Variants in MBD5 observed in about 807,000 individuals in gnomAD.
MBD5 encodes the protein methyl-CpG-binding domain protein 5.
A neutral mutation model predicts 117.3 loss-of-function variants in MBD5; 13 were observed. The ratio of observed to expected loss-of-function variants is 0.11; its 90% CI spans 0.07 to 0.18. The LOEUF is 0.18. Among genes scored for constraint, MBD5 ranks in the 10% least tolerant of loss-of-function variants. The probability of loss-of-function intolerance (pLI) is 1.00; values close to 1 mark genes in which losing one functional copy is unlikely to be tolerated. For missense variants in MBD5, 1,879 were observed against 2,093.8 expected (o/e 0.90, Z 2.00); for synonymous variants, 727 against 766.4 (o/e 0.95, Z 0.85).
At chr2:148,367,782 C>A (rs1354997457) in intron 4 of MBD5, among the ~76,000 whole-genome samples, 1 of 152,164 alleles carries the variant, frequency 6.6e-6, no homozygotes. Flanking sequence ...AATGAGATAG[C>A]ATTTCACACC....
chr2:148,270,218 A>G (rs531581446), intron 3 of MBD5, among the ~76,000 whole-genome samples: 2 of 152,196 alleles, frequency 1.3e-5, no homozygotes, highest in Admixed American at 1.3e-4. Context: ...AGACTACTGT[A>G]TTGGCTGGCT....
chr2:148,121,320 C>G (rs892355141), intron 1 of MBD5, among the ~76,000 whole-genome samples: 12 of 152,000 alleles, frequency 7.9e-5, no homozygotes, highest in African/African-American at 2.9e-4. Context: ...TGGATTACAT[C>G]CAATATATTT....
chr2:148,232,062 G>A (rs1479581147), intron 2 of MBD5, among the ~76,000 whole-genome samples: 2 of 152,170 alleles, frequency 1.3e-5, no homozygotes, highest in African/African-American at 4.8e-5. Context: ...TAGTCAGTGG[G>A]AACAGACATG....
At chr2:148,266,562 A>C (rs190025898) in intron 3 of MBD5, among the ~76,000 whole-genome samples, 2 of 152,072 alleles carry the variant, frequency 1.3e-5, no homozygotes, top group Non-Finnish European at 2.9e-5. Flanking sequence ...GAGAAATAAA[A>C]AGATTGACTA....
chr2:148,253,030 A>G (rs1413871533), intron 3 of MBD5, among the ~76,000 whole-genome samples: 7 of 152,168 alleles, frequency 4.6e-5, no homozygotes, highest in Non-Finnish European at 7.3e-5. Context: ...ATCGGGACTT[A>G]ATCTCCTATT....
chr2:148,426,934 T>C (rs2105310717), intron 4 of MBD5, among the ~76,000 whole-genome samples: 1 of 152,006 alleles, frequency 6.6e-6, no homozygotes, highest in Middle Eastern at 3.4e-3. Context: ...GAATCTACCA[T>C]GAACTCAAAC....
intron 1 of MBD5, among the ~76,000 whole-genome samples, chr2:148,168,913 C>A: frequency 6.7e-6 from 1 of 149,058 alleles, no homozygotes. Context: ...AATTATATTC[C>A]AAATATATAT....
At chr2:148,475,535 G>A in intron 8 of MBD5, among the ~76,000 whole-genome samples, 1 of 152,086 alleles carries the variant, frequency 6.6e-6, no homozygotes, top group Non-Finnish European at 1.5e-5. Context: ...AGAACTCAGA[G>A]TGGTGATATG....
intron 3 of MBD5, among the ~76,000 whole-genome samples, chr2:148,309,488 G>A (rs1260412370): frequency 6.6e-6 from 1 of 152,136 alleles, no homozygotes; most frequent in African/African-American, 2.4e-5. Context: ...TTTGCATGTT[G>A]ACTTTGTATC....
chr2:148,449,703 T>A (rs1036245316), intron 4 of MBD5, among the ~76,000 whole-genome samples: 2 of 151,990 alleles, frequency 1.3e-5, no homozygotes, highest in African/African-American at 4.8e-5. Flanking sequence ...TCTTTCCGAC[T>A]CTCCATATCT....
At chr2:148,460,646 T>C (rs1017600812) in intron 5 of MBD5, among the ~76,000 whole-genome samples, 6 of 152,186 alleles carry the variant, frequency 3.9e-5, no homozygotes, top group African/African-American at 1.2e-4. Context: ...CTAAGCTTTA[T>C]CTATGCTGTA....
chr2:148,183,825 A>T (rs1246015931), intron 2 of MBD5, among the ~76,000 whole-genome samples: 1 of 152,164 alleles, frequency 6.6e-6, no homozygotes, highest in Non-Finnish European at 1.5e-5. Flanking sequence ...AATATATGTC[A>T]TCATAGCCTC....
rs566918687 is a variant in MBD5 at position 148,033,144 on chromosome 2, G to C, written c.-925+11460G>C. ...AAACCAAGGTAGAAGGAGAGTAGAA[G>C]TATCACATTCATAATTTGTTCTGAA... On this transcript the variant is annotated intron_variant, in intron 1 of 13. Transcript: ENST00000642680. 2.2e-4 allele frequency among the ~76,000 whole-genome samples: 33 copies of C among 152,182 alleles called. 1 individual carries two copies. The East Asian group carries it at 6.4e-3, about 29-fold the overall frequency.
chr2:148,218,747 T>A (rs1409509429), intron 2 of MBD5, among the ~76,000 whole-genome samples: 2 of 152,074 alleles, frequency 1.3e-5, no homozygotes, highest in African/African-American at 4.8e-5. Flanking sequence ...TATTTGTATA[T>A]CTAAACAAAA....
intron 1 of MBD5, among the ~76,000 whole-genome samples, chr2:148,057,743 A>G (rs1400656253): frequency 6.6e-6 from 1 of 151,930 alleles, no homozygotes; most frequent in Non-Finnish European, 1.5e-5. Context: ...TACTCTCATT[A>G]CTTAGGTTTC....
chr2:148,271,856 C>T (rs1001491708), intron 3 of MBD5, among the ~76,000 whole-genome samples: 1 of 152,122 alleles, frequency 6.6e-6, no homozygotes, highest in Non-Finnish European at 1.5e-5. Context: ...GTATTAACCA[C>T]AGTTGCCATA....
At chr2:148,324,423 T>TG (rs1702385754) in intron 3 of MBD5, among the ~76,000 whole-genome samples, 1 of 152,226 alleles carries the variant, frequency 6.6e-6, no homozygotes, top group Non-Finnish European at 1.5e-5. Context: ...TAAATTACCT[T>TG]GGGCAGTATG....
rs142431261 is a variant in MBD5 at position 148,469,933 on chromosome 2, A to G, written c.1990A>G (p.Thr664Ala). The change falls in exon 8 of 14, where the codon ACG becomes GCG. Residue 664 changes from threonine (T) to alanine (A), a missense_variant. By Grantham distance (58) the Thr-to-Ala change is moderately conservative (BLOSUM62 0). This residue lies in a region of MBD5 where 1,666 missense variants were observed against 1,792.2 expected (regional missense o/e 0.93). Coordinates refer to ENST00000642680, the MANE Select transcript of MBD5 (RefSeq NM_001378120.1). ...ATTGCGGAAAAGAAAACAACCACCT[A>G]CGACAGTGTTGAGTTTGCTCAGACA... The part of the protein sequence containing the change: ...DALRKRKQPP[T>A]TVLSLLRQSQ... 5.6e-6 allele frequency: 9 copies of G among 1,613,944 alleles called. No homozygotes were observed. The highest frequency in any genetic ancestry group is 7.6e-6 in the Non-Finnish European group (9 of 1,179,902).
At chr2:148,126,327 A>T (rs1696893604) in intron 1 of MBD5, among the ~76,000 whole-genome samples, 2 of 150,230 alleles carry the variant, frequency 1.3e-5, no homozygotes, top group Non-Finnish European at 3.0e-5. Context: ...AATCGCTTGA[A>T]CCCAGGAGGC....
Sources: gnomAD v4.1 joint callset for allele counts (sites outside exome capture counted in the v4.1 genomes callset) on GRCh38, gnomAD v4.1.1 for gene constraint, gnomAD v4.1.1 regional missense constraint, MANE v1.5 for transcripts, NCBI Gene and HGNC (gene_info 2026-07-23, HGNC 2026-07-21) for gene names.